Variants in KLF8 observed in about 807,000 individuals in gnomAD.
The protein encoded by KLF8 is Krueppel-like factor 8.
KLF8 carries 10 observed loss-of-function variants against 18.2 expected under a neutral mutation model. The ratio of observed to expected loss-of-function variants is 0.55; its 90% CI spans 0.34 to 0.93. KLF8 has a LOEUF of 0.93. Among genes scored for constraint, KLF8 ranks in the 40% least tolerant of loss-of-function variants. KLF8 has a pLI of 0.02. For missense variants in KLF8, 264 were observed against 277.9 expected (o/e 0.95, Z 0.36); for synonymous variants, 109 against 97.3 (o/e 1.12, Z -0.71).
chrX:56,035,485 G>A, the KLF8 span, among the ~76,000 whole-genome samples: 1 of 111,786 alleles, frequency 8.9e-6, no homozygotes, highest in South Asian at 3.7e-4. Flanking sequence ...TAAATGCCTA[G>A]TAATGGGATT....
the KLF8 span, among the ~76,000 whole-genome samples, chrX:56,086,371 T>A: frequency 9.0e-6 from 1 of 111,321 alleles, no homozygotes; most frequent in South Asian, 3.8e-4. Flanking sequence ...CTTGACCCTT[T>A]GAGTTCCATC....
the KLF8 span, among the ~76,000 whole-genome samples, chrX:56,161,563 C>T: frequency 8.9e-6 from 1 of 112,174 alleles, no homozygotes; most frequent in Admixed American, 9.5e-5. Context: ...ATCAAATTGG[C>T]TACTGATGCT....
At chrX:55,924,849 C>CTTTTTTTTTTTTTTTTTTTTTTTTTGTT in the KLF8 span, among the ~76,000 whole-genome samples, 1 of 42,937 alleles carries the variant, frequency 2.3e-5, no homozygotes, top group Non-Finnish European at 3.8e-5. Flanking sequence ...TTGTTTTTTG[C>CTTTTTTTTTTTTTTTTTTTTTTTTTGTT]TTTTTTTTTT....
the KLF8 span, among the ~76,000 whole-genome samples, chrX:56,184,408 G>T: frequency 8.9e-6 from 1 of 112,578 alleles, no homozygotes; most frequent in Non-Finnish European, 1.9e-5. Context: ...GCTCAAGGAG[G>T]CCTGCCTGCC....
At chrX:56,091,942 G>C in the KLF8 span, among the ~76,000 whole-genome samples, 1 of 106,113 alleles carries the variant, frequency 9.4e-6, no homozygotes, top group African/African-American at 3.4e-5. Flanking sequence ...CAGTGTATAA[G>C]TATTTCCTTT....
In KLF8 at chrX:56,286,231, C is replaced by A. The variant is rs912398966; in HGVS notation, c.*1737C>A. ...GCAGTGGCGTAATCTTGGCTCACTG[C>A]AACCTCCGCCTCCTGGGTTCAAGTG... On this transcript the variant is annotated 3_prime_UTR_variant, in exon 6 of 6. Transcript: ENST00000468660. 2 of 111,648 alleles carry A rather than the reference C, an allele frequency of 1.8e-5. No individual in the cohort carries two copies. Among genetic ancestry groups the A allele is most frequent in the African/African-American group, 6.5e-5 (2 of 30,649 alleles). The allele number at this position is 111,648 out of a possible 1,213,427, so 9.2% of individuals were successfully genotyped here.
At chrX:56,259,951 G>T (rs2066861967) in intron 2 of KLF8, among the ~76,000 whole-genome samples, 1 of 111,469 alleles carries the variant, frequency 9.0e-6, no homozygotes, top group Non-Finnish European at 1.9e-5. Flanking sequence ...TCACTGTTCT[G>T]GAGGCCAGAA....
chrX:56,144,788 GTGTT>G, the KLF8 span, among the ~76,000 whole-genome samples: 8 of 97,099 alleles, frequency 8.2e-5, no homozygotes, highest in Admixed American at 2.2e-4. Flanking sequence ...AAAGAAGTTG[GTGTT>G]TGTTTGTTTG....
the KLF8 span, among the ~76,000 whole-genome samples, chrX:56,078,108 C>G: frequency 3.6e-5 from 4 of 111,432 alleles, no homozygotes; most frequent in East Asian, 1.1e-3. Flanking sequence ...TTGACTTCCT[C>G]TTTTCCTAAT....
the KLF8 span, among the ~76,000 whole-genome samples, chrX:56,096,106 CACAGACATAAA>C: frequency 9.0e-6 from 1 of 111,083 alleles, no homozygotes; most frequent in East Asian, 2.8e-4. Context: ...CGGAATACTA[CACAGACATAAA>C]ACAGAATGAA....
chrX:56,176,760 C>G, the KLF8 span, among the ~76,000 whole-genome samples: 70 of 111,806 alleles, frequency 6.3e-4, no homozygotes, highest in African/African-American at 2.2e-3. Flanking sequence ...TAGATTTGGT[C>G]TTTTCACATA....
At chrX:56,110,647 A>G in the KLF8 span, among the ~76,000 whole-genome samples, 7 of 111,473 alleles carry the variant, frequency 6.3e-5, no homozygotes, top group South Asian at 2.2e-3. Flanking sequence ...CATGATGATC[A>G]TTACAATAGG....
At position 56,265,590 on chromosome X, in the gene KLF8, C is replaced by T. The variant is rs758685449; in HGVS notation, c.492C>T (p.Pro164=). 2 of 1,211,769 alleles carry T rather than the reference C, an allele frequency of 1.7e-6. No homozygotes were observed. The highest frequency in any genetic ancestry group is 5.9e-5 in the East Asian group (2 of 33,837). The change falls in exon 3 of 6, where the codon CCC becomes CCT. Residue 164 remains proline (P), a synonymous_variant. Transcript: ENST00000468660. The part of the protein sequence containing the change: ...QQILHVIHTI[P]SVSLPNKMGG... ...TCTTACATGTCATTCACACTATCCC[C>T]TCAGTCAGTCTGCCAAATAAGATGG...
the KLF8 span, among the ~76,000 whole-genome samples, chrX:56,088,460 T>G: frequency 8.9e-6 from 1 of 111,803 alleles, no homozygotes; most frequent in Admixed American, 9.5e-5. Context: ...AACAAACTAA[T>G]AAACAAGGAG....
At chrX:55,965,517 A>G in the KLF8 span, among the ~76,000 whole-genome samples, 2 of 111,788 alleles carry the variant, frequency 1.8e-5, no homozygotes, top group East Asian at 5.6e-4. Flanking sequence ...TCACCATAAT[A>G]CTGGAAGTGC....
chrX:56,186,646 T>C, the KLF8 span, among the ~76,000 whole-genome samples: 1 of 111,548 alleles, frequency 9.0e-6, no homozygotes, highest in Admixed American at 9.5e-5. Context: ...CCTCAGCAAA[T>C]GTAAAAGATC....
the KLF8 span, among the ~76,000 whole-genome samples, chrX:55,973,974 A>G: frequency 8.9e-6 from 1 of 112,149 alleles, no homozygotes; most frequent in South Asian, 3.7e-4. Flanking sequence ...AAAATATGGT[A>G]CATATACACC....
At chrX:56,251,647 G>A (rs1327000115) in intron 2 of KLF8, among the ~76,000 whole-genome samples, 1 of 109,628 alleles carries the variant, frequency 9.1e-6, no homozygotes, top group African/African-American at 3.3e-5. Flanking sequence ...ATTTTTAGTA[G>A]GGACAGGGTT....
chrX:55,999,045 G>A, the KLF8 span, among the ~76,000 whole-genome samples: 5 of 109,060 alleles, frequency 4.6e-5, no homozygotes, highest in Middle Eastern at 4.7e-3. Flanking sequence ...ATCCAGTTTC[G>A]TACTTTGGCT....
Sources: allele counts gnomAD v4.1 joint callset (sites outside exome capture counted in the v4.1 genomes callset), GRCh38; gene constraint gnomAD v4.1.1; transcripts MANE v1.5; gene names NCBI Gene and HGNC (gene_info 2026-07-23, HGNC 2026-07-21).